STOX2: variants seen among roughly 807,000 people sequenced by gnomAD.
STOX2 encodes storkhead box 2, also known as storkhead-box protein 2.
In STOX2, 28 loss-of-function variants were observed where a neutral mutation model predicts 60.9. The observed-to-expected ratio is 0.46, with a 90% CI of 0.34 to 0.63. The LOEUF (loss-of-function observed/expected upper bound fraction) is 0.63. Among genes scored for constraint, STOX2 ranks in the 30% least tolerant of loss-of-function variants. The pLI is 0.01. For missense variants in STOX2, 1,024 were observed against 1,187.7 expected (o/e 0.86, Z 2.03); for synonymous variants, 472 against 463.9 (o/e 1.02, Z -0.22).
chr4:183,951,181 C>T (rs530537962), intron 1 of STOX2, among the ~76,000 whole-genome samples: 2 of 149,430 alleles, frequency 1.3e-5, no homozygotes, highest in Non-Finnish European at 3.0e-5. Flanking sequence ...CGCCACTGCA[C>T]TCCAGCCTGG....
chr4:183,915,775 C>T (rs774609769), intron 1 of STOX2, among the ~76,000 whole-genome samples: 5 of 152,166 alleles, frequency 3.3e-5, no homozygotes, highest in Non-Finnish European at 5.9e-5. Context: ...CACCGGAGGC[C>T]GGGAGAGAGG....
At chr4:183,931,438 C>A (rs1452781503) in intron 1 of STOX2, among the ~76,000 whole-genome samples, 2 of 151,888 alleles carry the variant, frequency 1.3e-5, no homozygotes, top group Admixed American at 6.6e-5. Context: ...CCTCCCCCCA[C>A]CAAAAAAACT....
intron 1 of STOX2, among the ~76,000 whole-genome samples, chr4:183,993,097 TGGCCAG>T (rs1260461818): frequency 1.3e-5 from 2 of 152,248 alleles, no homozygotes; most frequent in South Asian, 2.1e-4. Context: ...AGGTGGCTCT[TGGCCAG>T]GGCGCTCTCA....
At chr4:184,006,825 G>A (rs1204516171) in intron 2 of STOX2, among the ~76,000 whole-genome samples, 1 of 151,016 alleles carries the variant, frequency 6.6e-6, no homozygotes, top group Non-Finnish European at 1.5e-5. Flanking sequence ...AACCATCCCG[G>A]CTAAAACGGT....
chr4:183,987,570 G>A (rs1324277101), intron 1 of STOX2: 2 of 152,198 alleles, frequency 1.3e-5, no homozygotes, highest in Middle Eastern at 3.2e-3. Context: ...CGGTGCGATT[G>A]GAGTTGTGTT....
intron 1 of STOX2, among the ~76,000 whole-genome samples, chr4:183,820,618 T>C (rs191380159): frequency 7.2e-5 from 11 of 152,350 alleles, no homozygotes; most frequent in Non-Finnish European, 1.3e-4. Flanking sequence ...TCTGCTTATT[T>C]AGACATAACA....
intron 1 of STOX2, among the ~76,000 whole-genome samples, chr4:183,914,342 C>T (rs1474576295): frequency 2.6e-5 from 4 of 152,146 alleles, no homozygotes; most frequent in Middle Eastern, 3.4e-3. Context: ...GGAGGCTGAG[C>T]GGAAGGATCA....
upstream of STOX2, among the ~76,000 whole-genome samples, chr4:183,900,521 A>G (rs145457143): frequency 6.6e-6 from 1 of 152,338 alleles, no homozygotes; most frequent in East Asian, 1.9e-4. Flanking sequence ...AACCCACAGG[A>G]AAGATTGTGT....
intron 1 of STOX2, among the ~76,000 whole-genome samples, chr4:183,913,232 T>G (rs770656813): frequency 5.9e-5 from 9 of 152,234 alleles, no homozygotes; most frequent in South Asian, 2.1e-4. Flanking sequence ...TTTGTCTTAC[T>G]GTAACTCTGG....
At chr4:183,907,098 TCCA>T in intron 1 of STOX2, 142 bp downstream of exon 1, 1 of 688,642 alleles carries the variant, frequency 1.5e-6, no homozygotes, top group Admixed American at 3.2e-5. Context: ...TTAGCTCCCA[TCCA>T]CCATTTTGTA....
chr4:183,989,086 C>T (rs1030449761), intron 1 of STOX2, among the ~76,000 whole-genome samples: 7 of 152,190 alleles, frequency 4.6e-5, no homozygotes, highest in Admixed American at 3.9e-4. Flanking sequence ...ATCAGACTGC[C>T]CCAGATTTCC....
chr4:183,893,069 G>A (rs980945766), intron 1 of STOX2, among the ~76,000 whole-genome samples: 5 of 151,762 alleles, frequency 3.3e-5, no homozygotes, highest in Non-Finnish European at 7.4e-5. Flanking sequence ...CTGAGATTTT[G>A]GAACAAAATG....
At chr4:183,841,688 GA>G (rs371848269) in intron 1 of STOX2, among the ~76,000 whole-genome samples, 76 of 152,176 alleles carry the variant, frequency 5.0e-4, no homozygotes, top group African/African-American at 1.8e-3. Context: ...AATAGAGACA[GA>G]AAAAAATACA....
chr4:183,808,622 A>G (rs1199031837), intron 1 of STOX2, among the ~76,000 whole-genome samples: 1 of 152,244 alleles, frequency 6.6e-6, no homozygotes, highest in African/African-American at 2.4e-5. Context: ...GAAATGCAGT[A>G]ATGTAGAAAA....
intron 1 of STOX2, among the ~76,000 whole-genome samples, chr4:183,969,805 A>G (rs1156722733): frequency 6.6e-6 from 1 of 152,166 alleles, no homozygotes; most frequent in African/African-American, 2.4e-5. Flanking sequence ...AGTTTTCTGT[A>G]GAGATGGGAT....
intron 1 of STOX2, among the ~76,000 whole-genome samples, chr4:183,835,814 T>C (rs1023133613): frequency 6.6e-6 from 1 of 152,186 alleles, no homozygotes; most frequent in Non-Finnish European, 1.5e-5. Flanking sequence ...TTAAGAGTAA[T>C]GCAGCTACAA....
rs772950770 is a variant in STOX2, at chr4:184,001,431, T to C, written c.273T>C (p.Pro91=). The change falls in exon 2 of 4, where the codon CCT becomes CCC. Residue 91 remains proline, a synonymous_variant. Transcript: ENST00000308497. The surrounding 1 kb of genome is among the most constrained non-coding windows in gnomAD (Gnocchi z 4.2). ...CAGCAATGAACTCGGCAAGAAAGCC[T>C]GTCACCCAAGAAGCACTGATGGAGC... ...AISAMNSARK[P]VTQEALMEHL... is the part of the protein sequence containing the mutation. The C allele has an allele frequency of 6.2e-7, 1 of 1,613,750 alleles. No homozygotes were observed. The highest frequency in any genetic ancestry group is 1.3e-5 in the African/African-American group (1 of 74,870).
intron 1 of STOX2, among the ~76,000 whole-genome samples, chr4:183,892,454 G>C (rs1741243994): frequency 6.6e-6 from 1 of 151,962 alleles, no homozygotes; most frequent in South Asian, 2.1e-4. Flanking sequence ...AATTTTTTTT[G>C]TATTTTTAGT....
chr4:183,877,697 T>C (rs567113803), intron 1 of STOX2, among the ~76,000 whole-genome samples: 3 of 152,148 alleles, frequency 2.0e-5, no homozygotes, highest in Non-Finnish European at 4.4e-5. Flanking sequence ...TGCTGTGTTT[T>C]TGAGAAGGAA....
Sources: allele counts gnomAD v4.1 joint callset (sites outside exome capture counted in the v4.1 genomes callset), GRCh38; gene constraint gnomAD v4.1.1; non-coding constraint Gnocchi (gnomAD v3.1); transcripts MANE v1.5; gene names NCBI Gene and HGNC (gene_info 2026-07-23, HGNC 2026-07-21).